Variants in ATG5 observed in about 807,000 individuals in gnomAD.
The protein encoded by ATG5 is autophagy protein 5.
Under a neutral mutation model 36.5 loss-of-function variants are expected in ATG5, and 14 were observed. That is an observed-to-expected ratio of 0.38 (90% CI 0.25 to 0.60). The LOEUF (loss-of-function observed/expected upper bound fraction) is 0.60. ATG5 is among the 20% of genes least tolerant of loss of function. ATG5 has a pLI of 0.60. For synonymous variants in ATG5, 95 were observed against 101.5 expected, an observed-to-expected ratio of 0.94 and a Z score of 0.38; for missense variants, 195 against 326.7, an observed-to-expected ratio of 0.60 and a Z score of 3.11.
intron 3 of ATG5, among the ~76,000 whole-genome samples, chr6:106,296,550 G>A (rs1262450631): frequency 6.6e-6 from 1 of 152,212 alleles, no homozygotes; most frequent in African/African-American, 2.4e-5. Context: ...GGGCGTGGTG[G>A]CTCACGCCTG....
intron 4 of ATG5, among the ~76,000 whole-genome samples, chr6:106,280,349 G>A (rs1280453752): frequency 6.7e-6 from 1 of 150,268 alleles, no homozygotes; most frequent in African/African-American, 2.4e-5. Context: ...CTACATGAAT[G>A]TTCACAATAG....
intron 4 of ATG5, among the ~76,000 whole-genome samples, chr6:106,282,941 C>T (rs1779936379): frequency 6.6e-6 from 1 of 152,066 alleles, no homozygotes; most frequent in African/African-American, 2.4e-5. Context: ...TGTACACCAC[C>T]ACACTCAGCT....
chr6:106,237,692 C>T (rs958497112), intron 6 of ATG5, among the ~76,000 whole-genome samples: 1 of 152,108 alleles, frequency 6.6e-6, no homozygotes, highest in African/African-American at 2.4e-5. Context: ...ACAATTATTG[C>T]CTAATTGAAA....
chr6:106,225,152 C>T (rs1040031526), intron 6 of ATG5, among the ~76,000 whole-genome samples: 1 of 152,158 alleles, frequency 6.6e-6, no homozygotes, highest in Admixed American at 6.5e-5. Context: ...TCACAATAAC[C>T]CTATTTTACA....
chr6:106,191,594 G>A (rs369417192), intron 7 of ATG5, among the ~76,000 whole-genome samples: 5 of 152,088 alleles, frequency 3.3e-5, no homozygotes, highest in East Asian at 3.9e-4. Flanking sequence ...CTAATCTCCA[G>A]TTACATGAAG....
At chr6:106,248,052 T>G in intron 6 of ATG5, 98 bp downstream of exon 6, 1 of 891,656 alleles carries the variant, frequency 1.1e-6, no homozygotes. Flanking sequence ...TAAATACCGT[T>G]TAGTTACTAT....
At chr6:106,274,741 G>A (rs1623780) in intron 5 of ATG5, among the ~76,000 whole-genome samples, 12,984 of 152,122 alleles carry the variant, frequency 0.085, 579 homozygotes, top group South Asian at 0.13. Flanking sequence ...GTATTAGAAA[G>A]GAATAAAATA....
At chr6:106,282,962 A>T (rs1006534170) in intron 4 of ATG5, among the ~76,000 whole-genome samples, 7 of 150,878 alleles carry the variant, frequency 4.6e-5, no homozygotes, top group African/African-American at 1.7e-4. Flanking sequence ...AATTTTTTTA[A>T]TTTTTTTTTG....
rs1336116034 is a variant in ATG5, at chr6:106,184,898, T to C, written c.*1642A>G. ...AAATGAACCGACGAATAAACACTCT[T>C]AATGTGAACAATCATATTCAGACCA... On this transcript the variant is annotated 3_prime_UTR_variant, in exon 8 of 8. Coordinates refer to ENST00000369076, the MANE Select transcript of ATG5 (RefSeq NM_004849.4). 1.3e-5 allele frequency: 2 copies of C among 152,340 alleles called. No individual in the cohort carries two copies. Among genetic ancestry groups the C allele is most frequent in the Non-Finnish European group, 2.9e-5 (2 of 68,008 alleles). 9.4% of individuals were successfully genotyped at this position (152,340 alleles called of 1,614,324 possible). A position where few individuals can be genotyped will look rare whatever the true frequency, so the allele number is the denominator to read the frequency against.
intron 6 of ATG5, among the ~76,000 whole-genome samples, chr6:106,234,774 C>A (rs1465444902): frequency 6.6e-6 from 1 of 152,178 alleles, no homozygotes; most frequent in Non-Finnish European, 1.5e-5. Context: ...TAGGTTCTGG[C>A]ATTGGCGGTA....
At chr6:106,298,038 C>T (rs1770039619) in intron 3 of ATG5, among the ~76,000 whole-genome samples, 1 of 150,012 alleles carries the variant, frequency 6.7e-6, no homozygotes, top group South Asian at 2.1e-4. Flanking sequence ...GATCTTGGCT[C>T]ACTACAACCT....
At chr6:106,265,400 A>G (rs940379067) in intron 5 of ATG5, among the ~76,000 whole-genome samples, 6 of 152,200 alleles carry the variant, frequency 3.9e-5, no homozygotes, top group African/African-American at 1.4e-4. Context: ...ACACAATAAT[A>G]GTGGGGGATT....
At chr6:106,295,383 C>T (rs1769878687) in intron 3 of ATG5, among the ~76,000 whole-genome samples, 1 of 152,126 alleles carries the variant, frequency 6.6e-6, no homozygotes, top group South Asian at 2.1e-4. Flanking sequence ...ACAAAGAACT[C>T]CGCTAGGCAA....
chr6:106,207,266 T>C (rs1429643801), intron 6 of ATG5, among the ~76,000 whole-genome samples: 1 of 152,220 alleles, frequency 6.6e-6, no homozygotes, highest in African/African-American at 2.4e-5. Flanking sequence ...TTTTTTCTTA[T>C]ATGGGAAATT....
intron 6 of ATG5, among the ~76,000 whole-genome samples, chr6:106,229,270 C>G (rs1393133297): frequency 6.6e-6 from 1 of 152,250 alleles, no homozygotes; most frequent in African/African-American, 2.4e-5. Flanking sequence ...GGTGTCCCTC[C>G]TGATTTAGGT....
At chr6:106,273,695 TC>T (rs1403674664) in intron 5 of ATG5, among the ~76,000 whole-genome samples, 9 of 152,094 alleles carry the variant, frequency 5.9e-5, no homozygotes, top group African/African-American at 2.2e-4. Context: ...AATAAATAGA[TC>T]AGGTCTGGTG....
rs529664451 is a variant in ATG5 at position 106,269,197 on chromosome 6, C to T, written c.478+10464G>A. ...ACCAGAGTAGCTAGTTACAGAGTGT[C>T]GATTGGTGCATTCACAAACCCTGAG... On this transcript the variant is annotated intron_variant, in intron 5 of 7. Transcript: ENST00000369076. Among the ~76,000 whole-genome samples the T allele has an allele frequency of 3.9e-5, 6 of 152,202 alleles. 1 individual carries two copies. The highest frequency in any genetic ancestry group is 3.9e-4 in the Admixed American group (6 of 15,292).
At chr6:106,200,661 T>C (rs913327978) in intron 7 of ATG5, among the ~76,000 whole-genome samples, 1 of 152,096 alleles carries the variant, frequency 6.6e-6, no homozygotes, top group Non-Finnish European at 1.5e-5. Flanking sequence ...GTGTGTTTTT[T>C]AGTAGAGACA....
chr6:106,189,256 T>C (rs980967963), intron 7 of ATG5, among the ~76,000 whole-genome samples: 11 of 152,138 alleles, frequency 7.2e-5, no homozygotes, highest in Non-Finnish European at 1.2e-4. Context: ...CCTTAATTCA[T>C]GGTACCATAA....
Sources: gnomAD v4.1 joint callset for allele counts (sites outside exome capture counted in the v4.1 genomes callset) on GRCh38, gnomAD v4.1.1 for gene constraint, MANE v1.5 for transcripts, NCBI Gene and HGNC (gene_info 2026-07-23, HGNC 2026-07-21) for gene names.